The following FMNL2 variants were observed in gnomAD, a reference collection of about 807,000 sequenced individuals.
FMNL2 encodes formin like 2, also known as formin-like protein 2.
FMNL2 carries 51 observed loss-of-function variants against 130.2 expected under a neutral mutation model. The ratio of observed to expected loss-of-function variants is 0.39; its 90% CI spans 0.31 to 0.49. The LOEUF (loss-of-function observed/expected upper bound fraction) is 0.49, where lower values mean the gene tolerates loss of function less well. Ranked by LOEUF, FMNL2 falls within the 20% of genes least tolerant of loss-of-function variation. The pLI is 0.85. For missense variants in FMNL2, 977 were observed against 1,316.2 expected (o/e 0.74, Z 3.99); for synonymous variants, 465 against 467.1 (o/e 1.00, Z 0.06).
chr2:152,445,839 C>T (rs1477133784), intron 1 of FMNL2, among the ~76,000 whole-genome samples: 5 of 152,202 alleles, frequency 3.3e-5, no homozygotes, highest in East Asian at 3.9e-4. Flanking sequence ...ATCAGCCAGT[C>T]GTCAGGGTTC....
At chr2:152,477,414 T>C (rs1228899051) in intron 1 of FMNL2, among the ~76,000 whole-genome samples, 1 of 152,190 alleles carries the variant, frequency 6.6e-6, no homozygotes, top group Non-Finnish European at 1.5e-5. Context: ...TAAATGACTT[T>C]TGAAAAATCT....
At chr2:152,635,977 T>C (rs905496024) in intron 21 of FMNL2, among the ~76,000 whole-genome samples, 2 of 152,180 alleles carry the variant, frequency 1.3e-5, no homozygotes, top group African/African-American at 4.8e-5. Context: ...CTGGATGACA[T>C]TGTGAAACCT....
At chr2:152,525,887 C>T (rs1693361213) in intron 2 of FMNL2, among the ~76,000 whole-genome samples, 1 of 152,150 alleles carries the variant, frequency 6.6e-6, no homozygotes, top group Non-Finnish European at 1.5e-5. Flanking sequence ...ACAGCTGACC[C>T]ATACCATATA....
At chr2:152,619,406 T>G in intron 14 of FMNL2, 103 bp from the exon 15 acceptor site, 1 of 1,511,588 alleles carries the variant, frequency 6.6e-7, no homozygotes, top group East Asian at 2.5e-5. Flanking sequence ...TCCTTTGTCC[T>G]TTTAAGTGTG....
At chr2:152,361,505 A>G (rs1230515539) in intron 1 of FMNL2, among the ~76,000 whole-genome samples, 1 of 152,068 alleles carries the variant, frequency 6.6e-6, no homozygotes, top group Non-Finnish European at 1.5e-5. Flanking sequence ...TCTTGACTTC[A>G]GTGGCAAAAT....
chr2:152,562,947 C>A (rs966790638), intron 6 of FMNL2, among the ~76,000 whole-genome samples: 1 of 152,172 alleles, frequency 6.6e-6, no homozygotes, highest in Non-Finnish European at 1.5e-5. Context: ...AAGCTACCAC[C>A]TTAGTAAGGA....
chr2:152,472,405 A>AT (rs1039644012), intron 1 of FMNL2, among the ~76,000 whole-genome samples: 1 of 152,102 alleles, frequency 6.6e-6, no homozygotes, highest in Non-Finnish European at 1.5e-5. Context: ...TTCAAAAAAG[A>AT]TTTTTTTCTT....
intron 16 of FMNL2, among the ~76,000 whole-genome samples, chr2:152,626,288 T>G (rs1681780258): frequency 6.6e-6 from 1 of 152,116 alleles, no homozygotes; most frequent in South Asian, 2.1e-4. Flanking sequence ...CCACCCGCCT[T>G]GGCCTCCCAA....
chr2:152,508,072 T>A (rs943159998), intron 1 of FMNL2, among the ~76,000 whole-genome samples: 15 of 152,192 alleles, frequency 9.9e-5, no homozygotes, highest in African/African-American at 3.1e-4. Flanking sequence ...TTAAACAGTG[T>A]GCCTGTTGCC....
chr2:152,361,887 A>G (rs1683201928), intron 1 of FMNL2, among the ~76,000 whole-genome samples: 1 of 152,240 alleles, frequency 6.6e-6, no homozygotes, highest in African/African-American at 2.4e-5. Flanking sequence ...TTGTTACTAT[A>G]AAGTTATCAA....
chr2:152,519,691 C>T (rs13404703), intron 1 of FMNL2, among the ~76,000 whole-genome samples: 83,807 of 151,986 alleles, frequency 0.55, 23,829 homozygotes, highest in Non-Finnish European at 0.63. Context: ...CAAATTCTCC[C>T]GGGTCTATTT....
chr2:152,495,606 G>A (rs970405132), intron 1 of FMNL2, among the ~76,000 whole-genome samples: 6 of 126,894 alleles, frequency 4.7e-5, no homozygotes, highest in Non-Finnish European at 8.0e-5. Context: ...AGCCGAGATC[G>A]TGCCATTGCA....
intron 1 of FMNL2, among the ~76,000 whole-genome samples, chr2:152,425,834 C>T (rs900514456): frequency 3.3e-5 from 5 of 152,142 alleles, no homozygotes; most frequent in Non-Finnish European, 7.3e-5. Flanking sequence ...TAGTTCTTGG[C>T]GGTTTCCAAA....
At chr2:152,337,959 T>C (rs1354796011) in intron 1 of FMNL2, among the ~76,000 whole-genome samples, 2 of 151,872 alleles carry the variant, frequency 1.3e-5, no homozygotes, top group African/African-American at 2.4e-5. Context: ...GTGAGAGGAG[T>C]TGAAACCTTC....
In FMNL2 at chr2:152,637,577, C is replaced by G; in HGVS notation, c.2849C>G (p.Ala950Gly). ...GAAAAATTTGCTTCTTCACAGGATG[C>G]CTTTGATGATGTTGTGAAGTATTTT... is the stretch of plus-strand genomic sequence containing the variant. The part of the protein sequence containing the change: ...LQDDAKIAQD[A>G]FDDVVKYFGE... The change falls in exon 23 of 26, where the codon GCC (alanine) becomes GGC (glycine). Residue 950 changes from alanine to glycine, a missense_variant. By Grantham distance (60) the Ala-to-Gly change is moderately conservative. Coordinates refer to ENST00000288670, the MANE Select transcript of FMNL2 (RefSeq NM_052905.4). 1 of 1,613,818 alleles carries G rather than the reference C, an allele frequency of 6.2e-7. No individual in the cohort carries two copies. Among genetic ancestry groups the G allele is most frequent in the Non-Finnish European group, 8.5e-7 (1 of 1,179,732 alleles).
chr2:152,586,264 T>C (rs896787585), intron 9 of FMNL2, among the ~76,000 whole-genome samples: 6 of 152,250 alleles, frequency 3.9e-5, no homozygotes, highest in Non-Finnish European at 8.8e-5. Context: ...AGCACTCTTG[T>C]GCACAGCACT....
intron 1 of FMNL2, among the ~76,000 whole-genome samples, chr2:152,514,308 TAG>T (rs1692643849): frequency 6.6e-6 from 1 of 152,184 alleles, no homozygotes; most frequent in African/African-American, 2.4e-5. Context: ...CTCACTGCCA[TAG>T]AGTAAGTTTG....
intron 4 of FMNL2, among the ~76,000 whole-genome samples, chr2:152,552,571 T>C (rs573662750): frequency 3.4e-4 from 51 of 152,048 alleles, no homozygotes; most frequent in African/African-American, 1.2e-3. Context: ...TAAAACTCTA[T>C]AAATGGAACA....
At chr2:152,460,782 C>T (rs1689192845) in intron 1 of FMNL2, among the ~76,000 whole-genome samples, 1 of 152,128 alleles carries the variant, frequency 6.6e-6, no homozygotes, top group African/African-American at 2.4e-5. Flanking sequence ...TGTGAGAATC[C>T]AATGCCTGAT....
Sources: allele counts gnomAD v4.1 joint callset (sites outside exome capture counted in the v4.1 genomes callset), GRCh38; gene constraint gnomAD v4.1.1; transcripts MANE v1.5; gene names NCBI Gene and HGNC (gene_info 2026-07-23, HGNC 2026-07-21).